The following TRMT11 variants were observed in gnomAD, a reference collection of about 807,000 sequenced individuals.
TRMT11 encodes the protein tRNA methyltransferase 11.
TRMT11 carries 53 observed loss-of-function variants against 62.8 expected under a neutral mutation model. The observed-to-expected ratio is 0.84, with a 90% CI of 0.68 to 1.06. TRMT11 has a LOEUF of 1.06. Among genes scored for constraint, TRMT11 ranks in the 50% least tolerant of loss-of-function variants. The pLI, the probability that TRMT11 is intolerant of heterozygous loss-of-function variation, is 0.00. For missense variants in TRMT11, 556 were observed against 553.4 expected (o/e 1.00, Z -0.05); for synonymous variants, 188 against 190.3 (o/e 0.99, Z 0.10).
At chr6:126,096,304 G>C (rs1245526623) in intron 17 of TRMT11, among the ~76,000 whole-genome samples, 1 of 152,072 alleles carries the variant, frequency 6.6e-6, no homozygotes, top group Non-Finnish European at 1.5e-5. Context: ...GTAGCTTCAG[G>C]CTTCTCTGGG....
At chr6:126,271,062 CT>C in the TRMT11 span, among the ~76,000 whole-genome samples, 2 of 152,100 alleles carry the variant, frequency 1.3e-5, no homozygotes, top group African/African-American at 2.4e-5. Context: ...TGAAATCTTG[CT>C]TCATAGAAAG....
chr6:126,129,190 G>C (rs918816923), intron 21 of TRMT11, among the ~76,000 whole-genome samples: 2 of 152,032 alleles, frequency 1.3e-5, no homozygotes, highest in African/African-American at 4.8e-5. Flanking sequence ...TTCTCTCTCT[G>C]ACATTGTCCC....
At chr6:126,115,132 C>A (rs1056001453) in intron 19 of TRMT11, among the ~76,000 whole-genome samples, 3 of 152,096 alleles carry the variant, frequency 2.0e-5, no homozygotes, top group African/African-American at 7.2e-5. Context: ...CACCTTCCAG[C>A]CACCCTTCAG....
At chr6:126,163,840 T>A (rs1456572932) in intron 21 of TRMT11, among the ~76,000 whole-genome samples, 1 of 152,192 alleles carries the variant, frequency 6.6e-6, no homozygotes, top group African/African-American at 2.4e-5. Flanking sequence ...CATTTTTTAT[T>A]CTGTCTATTT....
chr6:126,144,275 C>T (rs1777951083), intron 21 of TRMT11, among the ~76,000 whole-genome samples: 1 of 152,134 alleles, frequency 6.6e-6, no homozygotes, highest in African/African-American at 2.4e-5. Flanking sequence ...TTTGATGGGG[C>T]TATTATCACT....
At chr6:126,255,601 T>C in the TRMT11 span, among the ~76,000 whole-genome samples, 1 of 152,194 alleles carries the variant, frequency 6.6e-6, no homozygotes, top group Non-Finnish European at 1.5e-5. Context: ...AAATCTATCT[T>C]GAAACCCAGC....
At chr6:126,202,747 T>A (rs556088606), downstream of TRMT11, among the ~76,000 whole-genome samples, 89 of 152,284 alleles carry the variant, frequency 5.8e-4, no homozygotes, top group African/African-American at 2.0e-3. Context: ...TGCACAAACT[T>A]GAAGAATTTG....
chr6:126,151,535 C>A (rs1001975778), intron 21 of TRMT11, among the ~76,000 whole-genome samples: 1 of 152,194 alleles, frequency 6.6e-6, no homozygotes, highest in Non-Finnish European at 1.5e-5. Context: ...ACTTAGAGCT[C>A]AGGGTAGACC....
intron 12 of TRMT11, among the ~76,000 whole-genome samples, chr6:126,023,610 T>C (rs1796143036): frequency 6.6e-6 from 1 of 152,100 alleles, no homozygotes; most frequent in African/African-American, 2.4e-5. Flanking sequence ...ATTGCATCAC[T>C]GCACTCCAGC....
the TRMT11 span, among the ~76,000 whole-genome samples, chr6:126,257,144 C>T: frequency 6.6e-6 from 1 of 152,030 alleles, no homozygotes; most frequent in Non-Finnish European, 1.5e-5. Flanking sequence ...CGTCAGCATC[C>T]CAATGTGCTG....
intron 12 of TRMT11, among the ~76,000 whole-genome samples, chr6:126,025,002 G>T (rs577044412): frequency 6.6e-6 from 1 of 152,294 alleles, no homozygotes; most frequent in Non-Finnish European, 1.5e-5. Flanking sequence ...TTTAAGTCGT[G>T]ATATTAGAAA....
the TRMT11 span, among the ~76,000 whole-genome samples, chr6:126,238,902 G>A: frequency 6.6e-6 from 1 of 152,076 alleles, no homozygotes; most frequent in Non-Finnish European, 1.5e-5. Context: ...TCCTGTATTG[G>A]GTGCATATAT....
chr6:126,129,193 A>T (rs1408183740), intron 21 of TRMT11, among the ~76,000 whole-genome samples: 1 of 152,090 alleles, frequency 6.6e-6, no homozygotes, highest in Admixed American at 6.6e-5. Flanking sequence ...TCTCTCTGAC[A>T]TTGTCCCCTT....
chr6:126,134,796 T>A (rs1345337692), intron 21 of TRMT11, among the ~76,000 whole-genome samples: 1 of 151,906 alleles, frequency 6.6e-6, no homozygotes, highest in Non-Finnish European at 1.5e-5. Flanking sequence ...TCAAGTATAT[T>A]TTCTGAACAC....
chr6:126,267,294 A>G, the TRMT11 span, among the ~76,000 whole-genome samples: 38,378 of 152,036 alleles, frequency 0.25, 5,528 homozygotes, highest in East Asian at 0.53. Context: ...TAATGAAAGG[A>G]TGTAGGTATG....
At chr6:126,184,994 A>G (rs1778511553) in intron 1 of TRMT11, among the ~76,000 whole-genome samples, 1 of 152,178 alleles carries the variant, frequency 6.6e-6, no homozygotes, top group Non-Finnish European at 1.5e-5. Flanking sequence ...TATATGTAAT[A>G]TTAACACTGT....
At chr6:126,006,211 C>T (rs1448755134) in intron 7 of TRMT11, among the ~76,000 whole-genome samples, 2 of 151,732 alleles carry the variant, frequency 1.3e-5, no homozygotes, top group African/African-American at 2.4e-5. Flanking sequence ...TTCTTTTGCT[C>T]GGCCTGCTAA....
At chr6:126,134,100 G>C (rs559501010) in intron 21 of TRMT11, among the ~76,000 whole-genome samples, 2 of 151,856 alleles carry the variant, frequency 1.3e-5, no homozygotes, top group East Asian at 3.9e-4. Flanking sequence ...ATGTGTATTA[G>C]ACAACAATTA....
chr6:126,156,849 G>T (rs567905073), intron 21 of TRMT11, among the ~76,000 whole-genome samples: 6 of 152,254 alleles, frequency 3.9e-5, no homozygotes, highest in South Asian at 2.1e-4. Context: ...CTCCCAACAG[G>T]CCCCATCTCC....
Sources: allele counts gnomAD v4.1 joint callset (sites outside exome capture counted in the v4.1 genomes callset), GRCh38; gene constraint gnomAD v4.1.1; transcripts MANE v1.5; gene names NCBI Gene and HGNC (gene_info 2026-07-23, HGNC 2026-07-21).